Variants in NAALADL2 observed in about 807,000 individuals in gnomAD.
NAALADL2 encodes inactive N-acetylated-alpha-linked acidic dipeptidase-like protein 2.
Under a neutral mutation model 87.2 loss-of-function variants are expected in NAALADL2, and 76 were observed. The observed-to-expected ratio is 0.87, with a 90% confidence interval of 0.72 to 1.05. NAALADL2 has a LOEUF of 1.05. NAALADL2 is among the 50% of genes least tolerant of loss of function. The pLI is 0.00. For synonymous variants in NAALADL2, 354 were observed against 331.0 expected (o/e 1.07, Z -0.75); for missense variants, 1,089 against 945.8 (o/e 1.15, Z -1.99).
chr3:175,378,078 C>G (rs1342695215), intron 5 of NAALADL2, among the ~76,000 whole-genome samples: 3 of 152,208 alleles, frequency 2.0e-5, no homozygotes, highest in Non-Finnish European at 4.4e-5. Flanking sequence ...CCACAGATGG[C>G]AGAGCTAAAG....
At chr3:175,566,902 G>A (rs141489579) in intron 9 of NAALADL2, among the ~76,000 whole-genome samples, 1,652 of 152,122 alleles carry the variant, frequency 0.011, 29 homozygotes, top group African/African-American at 0.036. Context: ...ATTTTACGTA[G>A]TAGGACTAAT....
chr3:175,483,620 A>G (rs1726835103), intron 9 of NAALADL2, among the ~76,000 whole-genome samples: 2 of 151,986 alleles, frequency 1.3e-5, no homozygotes, highest in African/African-American at 4.8e-5. Context: ...TTTGGTGTTC[A>G]GGACTAGGTT....
At chr3:175,243,095 G>GCACACACA (rs1382994545) in intron 3 of NAALADL2, among the ~76,000 whole-genome samples, 1 of 94,476 alleles carries the variant, frequency 1.1e-5, no homozygotes, top group East Asian at 3.2e-4. Flanking sequence ...ACACACACAC[G>GCACACACA]CACACACACA....
At chr3:175,311,524 C>A (rs972128533) in intron 4 of NAALADL2, among the ~76,000 whole-genome samples, 2 of 151,940 alleles carry the variant, frequency 1.3e-5, no homozygotes, top group Non-Finnish European at 2.9e-5. Context: ...ATTTTGAGGC[C>A]ACAATGGGAA....
At chr3:175,183,317 G>A (rs959975918) in intron 2 of NAALADL2, among the ~76,000 whole-genome samples, 4 of 151,292 alleles carry the variant, frequency 2.6e-5, no homozygotes, top group Admixed American at 2.0e-4. Flanking sequence ...TTCATTGTTC[G>A]TGACTTATAT....
intron 5 of NAALADL2, among the ~76,000 whole-genome samples, chr3:175,393,221 C>A (rs1769290372): frequency 8.0e-6 from 1 of 125,246 alleles, no homozygotes; most frequent in Non-Finnish European, 1.6e-5. Context: ...TTGCAGTGAG[C>A]CGAGATTGCA....
At chr3:175,279,779 AGTGTGTGAGTGTGTGT>A (rs1449170198) in intron 4 of NAALADL2, among the ~76,000 whole-genome samples, 2 of 128,672 alleles carry the variant, frequency 1.6e-5, no homozygotes, top group South Asian at 2.3e-4. Context: ...TCCTCTGCAT[AGTGTGTGAGTGTGTGT>A]GTGTGTGTGT....
intron 5 of NAALADL2, among the ~76,000 whole-genome samples, chr3:175,381,822 C>A (rs905572221): frequency 6.6e-6 from 1 of 152,128 alleles, no homozygotes; most frequent in Non-Finnish European, 1.5e-5. Context: ...CAACAAGTGA[C>A]TGGCGGGTTT....
At chr3:174,888,979 A>G (rs546519274) in intron 1 of NAALADL2, among the ~76,000 whole-genome samples, 1 of 152,286 alleles carries the variant, frequency 6.6e-6, no homozygotes, top group African/African-American at 2.4e-5. Context: ...TTCCTATAAT[A>G]TATTAGGCAC....
At chr3:175,071,356 A>G (rs575736127) in intron 1 of NAALADL2, among the ~76,000 whole-genome samples, 14 of 152,102 alleles carry the variant, frequency 9.2e-5, no homozygotes, top group Non-Finnish European at 2.1e-4. Flanking sequence ...TAACCTTATC[A>G]TTGGATTTTC....
chr3:175,059,911 G>C, intron 1 of NAALADL2: 1 of 400,322 alleles, frequency 2.5e-6, no homozygotes, highest in Non-Finnish European at 5.0e-6. Context: ...GCCAGAGACT[G>C]CTTCAAATAC....
chr3:174,479,019 T>C (rs1717385756), intron 1 of NAALADL2, among the ~76,000 whole-genome samples: 2 of 152,322 alleles, frequency 1.3e-5, no homozygotes, highest in Admixed American at 6.5e-5. Context: ...TCAAATTCTT[T>C]ATGTACTGCG....
At position 174,689,834 on chromosome 3, in the gene NAALADL2, G is replaced by A. The variant is rs1263095942; in HGVS notation, c.-114-47807G>A. ...TTAGGAAAACTCAAATGTTGGGAAA[G>A]AATGTTCTAAAGTCAGAGCAAGAGT... On this transcript the variant is annotated intron_variant, in intron 2 of 3. Coordinates refer to the NAALADL2 transcript ENST00000434257. Among the ~76,000 whole-genome samples, 9 of 152,254 alleles carry A rather than the reference G, an allele frequency of 5.9e-5. No individual in the cohort carries two copies. The East Asian group carries it at 1.7e-3, about 29-fold the overall frequency.
chr3:175,735,745 A>G (rs1474862370), intron 11 of NAALADL2, among the ~76,000 whole-genome samples: 1 of 152,138 alleles, frequency 6.6e-6, no homozygotes, highest in Non-Finnish European at 1.5e-5. Context: ...CCCATAACAC[A>G]TGGGAATTAT....
At chr3:175,710,098 AAGAG>A (rs2149997988) in intron 11 of NAALADL2, among the ~76,000 whole-genome samples, 1 of 152,186 alleles carries the variant, frequency 6.6e-6, no homozygotes, top group South Asian at 2.1e-4. Context: ...AATTAGCAGG[AAGAG>A]ATATTAAAGG....
At chr3:174,712,828 G>GT (rs1730790228) in intron 2 of NAALADL2, among the ~76,000 whole-genome samples, 1 of 151,872 alleles carries the variant, frequency 6.6e-6, no homozygotes, top group Non-Finnish European at 1.5e-5. Flanking sequence ...TATACTTTAA[G>GT]TTTTAGGGTA....
At chr3:175,381,943 C>T (rs1342479184) in intron 5 of NAALADL2, among the ~76,000 whole-genome samples, 1 of 152,076 alleles carries the variant, frequency 6.6e-6, no homozygotes, top group African/African-American at 2.4e-5. Context: ...GTTTTTGGTG[C>T]CCTAGTTTTC....
chr3:175,401,807 C>A (rs1210893112), intron 5 of NAALADL2, among the ~76,000 whole-genome samples: 1 of 152,082 alleles, frequency 6.6e-6, no homozygotes, highest in African/African-American at 2.4e-5. Context: ...GTCTGAGACA[C>A]AACTGATTTT....
At chr3:175,397,066 G>A (rs373847111) in intron 5 of NAALADL2, among the ~76,000 whole-genome samples, 1 of 151,874 alleles carries the variant, frequency 6.6e-6, no homozygotes, top group African/African-American at 2.4e-5. Context: ...ATACTTAGTG[G>A]CATTTTCGTA....
Sources: allele counts gnomAD v4.1 joint callset (sites outside exome capture counted in the v4.1 genomes callset), GRCh38; gene constraint gnomAD v4.1.1; transcripts MANE v1.5; gene names NCBI Gene and HGNC (gene_info 2026-07-23, HGNC 2026-07-21).